Variants in SPMIP4 observed in about 807,000 individuals in gnomAD.
The protein encoded by SPMIP4 is sperm microtubule inner protein 4, also known as sperm-associated microtubule inner protein 4.
chr7:25,167,758 G>A, the SPMIP4 span, among the ~76,000 whole-genome samples: 1 of 152,206 alleles, frequency 6.6e-6, no homozygotes, highest in Non-Finnish European at 1.5e-5. Flanking sequence ...TCTGCTCTGA[G>A]TAAATCCTTA....
chr7:25,147,806 C>A, the SPMIP4 span, among the ~76,000 whole-genome samples: 2 of 152,156 alleles, frequency 1.3e-5, no homozygotes, highest in East Asian at 3.9e-4. Context: ...GTGCTGGGTG[C>A]TTTTCTGTGT....
At chr7:25,159,643 G>A in the SPMIP4 span, among the ~76,000 whole-genome samples, 546 of 152,258 alleles carry the variant, frequency 3.6e-3, 3 homozygotes, top group African/African-American at 0.013. Flanking sequence ...TGGCATGTAA[G>A]CCATATAAAT....
chr7:25,164,859 T>C, the SPMIP4 span, among the ~76,000 whole-genome samples: 56,209 of 152,068 alleles, frequency 0.37, 12,511 homozygotes, highest in Non-Finnish European at 0.5. Context: ...CTCCAACTTC[T>C]AGGTGAGAAC....
the SPMIP4 span, among the ~76,000 whole-genome samples, chr7:25,141,036 CAT>C: frequency 1.3e-5 from 2 of 152,202 alleles, no homozygotes; most frequent in Admixed American, 1.3e-4. Context: ...TAAAACAACA[CAT>C]ATGCAAACTA....
the SPMIP4 span, among the ~76,000 whole-genome samples, chr7:25,140,825 G>A: frequency 6.6e-6 from 1 of 151,990 alleles, no homozygotes; most frequent in African/African-American, 2.4e-5. Flanking sequence ...GACCTCAGGC[G>A]ATCCACCCGC....
At chr7:25,144,662 G>A in the SPMIP4 span, among the ~76,000 whole-genome samples, 1 of 152,308 alleles carries the variant, frequency 6.6e-6, no homozygotes, top group African/African-American at 2.4e-5. Flanking sequence ...GGCTCCAGAC[G>A]AACATATCCT....
chr7:25,160,197 G>A, the SPMIP4 span, among the ~76,000 whole-genome samples: 2 of 73,698 alleles, frequency 2.7e-5, no homozygotes, highest in East Asian at 5.0e-4. Flanking sequence ...GCGCCATCTA[G>A]TGGCTAACTT....
the SPMIP4 span, chr7:25,154,982 T>C: frequency 6.3e-7 from 1 of 1,582,828 alleles, no homozygotes; most frequent in South Asian, 1.1e-5. Flanking sequence ...TAAGAATTAA[T>C]ACAGTTCTGA....
the SPMIP4 span, chr7:25,142,702 G>T: frequency 6.2e-7 from 1 of 1,613,176 alleles, no homozygotes. Flanking sequence ...TTGTATGTTG[G>T]CTTCTTTGGC....
At chr7:25,145,606 G>A in the SPMIP4 span, among the ~76,000 whole-genome samples, 355 of 152,214 alleles carry the variant, frequency 2.3e-3, 2 homozygotes, top group African/African-American at 8.1e-3. Context: ...ATAAGCCTAC[G>A]GCAGAAAGGA....
At chr7:25,134,236 G>T in the SPMIP4 span, among the ~76,000 whole-genome samples, 1 of 150,754 alleles carries the variant, frequency 6.6e-6, no homozygotes, top group Non-Finnish European at 1.5e-5. Flanking sequence ...TTCCAGCCCA[G>T]GCAACAGTGT....
the SPMIP4 span, among the ~76,000 whole-genome samples, chr7:25,176,734 G>A: frequency 6.6e-6 from 1 of 152,108 alleles, no homozygotes; most frequent in Non-Finnish European, 1.5e-5. This position sits in a 1 kb window ranked among gnomAD's most constrained non-coding sequence, Gnocchi z 4.4. Context: ...TTTTCTGTTG[G>A]AAAAATAAAG....
the SPMIP4 span, among the ~76,000 whole-genome samples, chr7:25,166,541 C>T: frequency 2.0e-5 from 3 of 151,360 alleles, no homozygotes; most frequent in East Asian, 3.9e-4. Flanking sequence ...GAGCTGAGAT[C>T]GTGCCACTGC....
chr7:25,141,348 C>T, the SPMIP4 span, among the ~76,000 whole-genome samples: 4 of 151,880 alleles, frequency 2.6e-5, no homozygotes, highest in African/African-American at 9.7e-5. Flanking sequence ...CCGAGGCGGG[C>T]GAATCACGAG....
the SPMIP4 span, among the ~76,000 whole-genome samples, chr7:25,162,876 AT>A: frequency 1.3e-5 from 2 of 152,188 alleles, no homozygotes; most frequent in Non-Finnish European, 2.9e-5. Context: ...GGTTCAAATG[AT>A]TCTCCCGCCT....
chr7:25,134,650 G>T, the SPMIP4 span: 1 of 984,144 alleles, frequency 1.0e-6, no homozygotes, highest in Non-Finnish European at 1.2e-6. Flanking sequence ...ACAAAGGTAT[G>T]AACATTACAC....
At chr7:25,135,234 C>A in the SPMIP4 span, 1 of 717,150 alleles carries the variant, frequency 1.4e-6, no homozygotes, top group Non-Finnish European at 1.7e-6. Flanking sequence ...TTAGAACTCA[C>A]CAGTTGCTAA....
the SPMIP4 span, chr7:25,135,186 T>G: frequency 6.3e-6 from 3 of 479,276 alleles, no homozygotes; most frequent in African/African-American, 6.3e-5. Context: ...TTTGGGGCTC[T>G]GTAATAACTG....
At chr7:25,133,927 G>T in the SPMIP4 span, among the ~76,000 whole-genome samples, 1 of 152,180 alleles carries the variant, frequency 6.6e-6, no homozygotes, top group South Asian at 2.1e-4. Context: ...TTATAATACC[G>T]AATCTCTGGA....
Sources: allele counts gnomAD v4.1 joint callset (sites outside exome capture counted in the v4.1 genomes callset), GRCh38; gene constraint gnomAD v4.1.1; non-coding constraint Gnocchi (gnomAD v3.1); transcripts MANE v1.5; gene names NCBI Gene and HGNC (gene_info 2026-07-23, HGNC 2026-07-21).